TJP1: variants seen among roughly 807,000 people sequenced by gnomAD.
TJP1 encodes the protein tight junction protein ZO-1.
Under a neutral mutation model 194.2 loss-of-function variants are expected in TJP1, and 43 were observed. That is an observed-to-expected ratio of 0.22 (90% CI 0.17 to 0.29). TJP1 has a LOEUF of 0.29. TJP1 is among the 10% of genes least tolerant of loss of function. The pLI is 1.00. For missense variants in TJP1, 1,971 were observed against 2,185.7 expected, an observed-to-expected ratio of 0.90 and a Z score of 1.96; for synonymous variants, 801 against 779.0, an observed-to-expected ratio of 1.03 and a Z score of -0.47.
At chr15:29,720,139 T>G in intron 19 of TJP1, 123 bp from the exon 20 acceptor site, 1 of 1,345,880 alleles carries the variant, frequency 7.4e-7, no homozygotes, top group Non-Finnish European at 9.9e-7. Context: ...TATGACCTCA[T>G]GTCCTAAACT....
intron 24 of TJP1, among the ~76,000 whole-genome samples, 172 bp from the exon 25 acceptor site, chr15:29,709,208 T>C (rs957213386): frequency 1.2e-4 from 18 of 152,082 alleles, no homozygotes; most frequent in African/African-American, 3.1e-4. Context: ...GAGGGCAGCA[T>C]GGACAGGTGG....
chr15:29,898,862 G>A (rs2053555675), intron 2 of TJP1, among the ~76,000 whole-genome samples: 1 of 152,140 alleles, frequency 6.6e-6, no homozygotes, highest in African/African-American at 2.4e-5. Flanking sequence ...AATTCTCTTT[G>A]GAGTGAGGAA....
intron 2 of TJP1, among the ~76,000 whole-genome samples, chr15:29,924,816 C>G (rs529940492): frequency 6.6e-6 from 1 of 152,160 alleles, no homozygotes. Context: ...GTTTGCAAGT[C>G]GGCTGCAGTT....
chr15:29,770,918 TAC>T (rs898615448), intron 4 of TJP1, among the ~76,000 whole-genome samples: 3 of 152,150 alleles, frequency 2.0e-5, no homozygotes, highest in African/African-American at 7.2e-5. Flanking sequence ...AGCCTAAATG[TAC>T]AGTGTTTACA....
At chr15:29,724,341 T>TA (rs1406607084) in intron 18 of TJP1, among the ~76,000 whole-genome samples, 3 of 152,204 alleles carry the variant, frequency 2.0e-5, no homozygotes, top group African/African-American at 7.2e-5. Context: ...GCTTCTCAAC[T>TA]CGGTAACAGC....
At chr15:29,881,477 T>G (rs1313985702) in intron 2 of TJP1, among the ~76,000 whole-genome samples, 4 of 152,152 alleles carry the variant, frequency 2.6e-5, no homozygotes, top group Non-Finnish European at 5.9e-5. Flanking sequence ...AGTAAGGAGG[T>G]GAAGTTTAGA....
At chr15:29,877,456 A>G (rs1207739081) in intron 2 of TJP1, among the ~76,000 whole-genome samples, 1 of 151,784 alleles carries the variant, frequency 6.6e-6, no homozygotes, top group African/African-American at 2.4e-5. Context: ...GGCTCAAGCA[A>G]TCTTCCCCAC....
intron 2 of TJP1, among the ~76,000 whole-genome samples, chr15:29,779,827 A>G (rs988456572): frequency 3.3e-5 from 5 of 152,182 alleles, no homozygotes; most frequent in Non-Finnish European, 7.3e-5. Context: ...CAAGTGCAAC[A>G]TTTACAACAA....
At chr15:29,902,465 C>A (rs1349357609) in intron 2 of TJP1, among the ~76,000 whole-genome samples, 3 of 152,126 alleles carry the variant, frequency 2.0e-5, no homozygotes, top group Non-Finnish European at 4.4e-5. Flanking sequence ...TAAATCACAA[C>A]ACGCACTCAA....
intron 2 of TJP1, among the ~76,000 whole-genome samples, chr15:29,903,695 C>T (rs1306354149): frequency 2.0e-5 from 3 of 152,210 alleles, no homozygotes; most frequent in African/African-American, 7.2e-5. Flanking sequence ...CCGCCCGCCT[C>T]GGCCTCCCAA....
intron 2 of TJP1, among the ~76,000 whole-genome samples, chr15:29,934,744 T>C (rs1035948839): frequency 2.6e-5 from 4 of 152,218 alleles, no homozygotes; most frequent in Admixed American, 2.0e-4. Context: ...ACTGAAATAT[T>C]TGGAACTTCT....
chr15:29,759,930 G>A (rs2045891186), intron 8 of TJP1: 1 of 390,612 alleles, frequency 2.6e-6, no homozygotes. Flanking sequence ...ACATGAGAGT[G>A]CAGATATCTC....
chr15:29,965,517 A>G (rs1387900051), intron 1 of TJP1, among the ~76,000 whole-genome samples: 1 of 152,072 alleles, frequency 6.6e-6, no homozygotes, highest in African/African-American at 2.4e-5. Context: ...AGGCCCTCAC[A>G]TTTGTAAACA....
At chr15:29,807,512 G>C (rs746633891) in intron 1 of TJP1, among the ~76,000 whole-genome samples, 3 of 152,174 alleles carry the variant, frequency 2.0e-5, no homozygotes, top group Non-Finnish European at 4.4e-5. Context: ...GGAAGGGAAT[G>C]GCATAGCAGA....
intron 2 of TJP1, among the ~76,000 whole-genome samples, chr15:29,845,199 C>T (rs1364619053): frequency 1.3e-5 from 2 of 152,168 alleles, no homozygotes; most frequent in Non-Finnish European, 2.9e-5. Flanking sequence ...TTTATATCCT[C>T]TCCTAAATCT....
intron 2 of TJP1, among the ~76,000 whole-genome samples, chr15:29,833,050 T>C (rs150144104): frequency 6.2e-4 from 94 of 152,308 alleles, no homozygotes; most frequent in African/African-American, 2.1e-3. Context: ...GAACAAATCA[T>C]GTTTCCTCCT....
At chr15:29,849,986 T>G (rs79057669) in intron 2 of TJP1, among the ~76,000 whole-genome samples, 1 of 152,054 alleles carries the variant, frequency 6.6e-6, no homozygotes, top group Non-Finnish European at 1.5e-5. Flanking sequence ...TCACTCGCTC[T>G]GGGGAAAGCC....
intron 2 of TJP1, among the ~76,000 whole-genome samples, chr15:29,954,592 G>T (rs571181415): frequency 6.6e-6 from 1 of 152,214 alleles, no homozygotes; most frequent in East Asian, 1.9e-4. Flanking sequence ...TACTCAGCAA[G>T]AATTTACTGT....
upstream of TJP1, among the ~76,000 whole-genome samples, chr15:29,824,445 A>AATCATC (rs34399157): frequency 0.041 from 5,980 of 145,838 alleles, 146 homozygotes; most frequent in East Asian, 0.075. Context: ...CTCCGTCTCA[A>AATCATC]ATCATCATCA....
Sources: allele counts gnomAD v4.1 joint callset (sites outside exome capture counted in the v4.1 genomes callset), GRCh38; gene constraint gnomAD v4.1.1; transcripts MANE v1.5; gene names NCBI Gene and HGNC (gene_info 2026-07-23, HGNC 2026-07-21).